Variants in CCDC150 observed in about 807,000 individuals in gnomAD.
CCDC150 encodes the protein coiled-coil domain-containing protein 150.
Under a neutral mutation model 156.5 loss-of-function variants are expected in CCDC150, and 151 were observed. The observed-to-expected ratio is 0.97, with a 90% CI of 0.85 to 1.10. CCDC150 has a LOEUF of 1.10. CCDC150 is among the 50% of genes least tolerant of loss of function. CCDC150 has a pLI of 0.00. For synonymous variants in CCDC150, 452 were observed against 429.4 expected (o/e 1.05, Z -0.65); for missense variants, 1,312 against 1,268.1 (o/e 1.03, Z -0.53).
chr2:196,729,076 T>C (rs1440048824), intron 22 of CCDC150, 117 bp from the exon 23 acceptor site: 2 of 881,206 alleles, frequency 2.3e-6, no homozygotes, highest in East Asian at 2.7e-5. Flanking sequence ...TATTATTGCC[T>C]CACTAACTCT....
At chr2:196,661,170 C>G (rs1693535682) in intron 5 of CCDC150, among the ~76,000 whole-genome samples, 1 of 152,130 alleles carries the variant, frequency 6.6e-6, no homozygotes, top group Non-Finnish European at 1.5e-5. Flanking sequence ...CAAAGACTTG[C>G]AGAAGTACTA....
Position 196,718,612 on chromosome 2 carries a change from A to C in CCDC150, c.1976A>C (p.Glu659Ala), listed in dbSNP as rs761839011. 8.7e-6 allele frequency: 14 copies of C among 1,613,522 alleles called. No individual in the cohort carries two copies. Among genetic ancestry groups the C allele is most frequent in the Non-Finnish European group, 1.2e-5 (14 of 1,179,574 alleles). The change falls in exon 18 of 28, where the codon GAG becomes GCG. Residue 659 changes from glutamate to alanine, a missense_variant. By Grantham distance (107) the Glu-to-Ala change is moderately radical (BLOSUM62 -1). Transcript: ENST00000389175. ...TTGAAAGAAGACCTCGAGGCTGTGG[A>C]GGACAGGGAAAACAAGAAGGCAAGG... ...QKLKEDLEAV[E>A]DRENKKVGNF...
At chr2:196,672,730 T>G (rs1694279851) in intron 9 of CCDC150, among the ~76,000 whole-genome samples, 1 of 152,256 alleles carries the variant, frequency 6.6e-6, no homozygotes, top group East Asian at 1.9e-4. Flanking sequence ...TATATGTATT[T>G]CCCCCTCCAA....
intron 15 of CCDC150, among the ~76,000 whole-genome samples, chr2:196,711,372 C>T (rs561826774): frequency 4.9e-4 from 75 of 152,020 alleles, no homozygotes; most frequent in Non-Finnish European, 9.0e-4. Context: ...TGTTTGCACT[C>T]TACAGATAGG....
At chr2:196,651,640 G>A (rs80131266) in intron 2 of CCDC150, among the ~76,000 whole-genome samples, 17,669 of 152,060 alleles carry the variant, frequency 0.12, 1,120 homozygotes, top group Middle Eastern at 0.18. Flanking sequence ...AAACTTCATC[G>A]ATAGTCTAGT....
chr2:196,670,612 C>A (rs1694142805), intron 8 of CCDC150, among the ~76,000 whole-genome samples: 1 of 151,184 alleles, frequency 6.6e-6, no homozygotes, highest in Non-Finnish European at 1.5e-5. Flanking sequence ...CTCTCAGGTC[C>A]TTGTTTTTGA....
chr2:196,665,793 A>G (rs570312728), intron 6 of CCDC150, 110 bp downstream of exon 6: 3 of 587,544 alleles, frequency 5.1e-6, no homozygotes, highest in South Asian at 5.0e-5. Context: ...TTATTAAAAT[A>G]TTTACTTTTT....
Position 196,732,130 on chromosome 2 carries a change from G to C in CCDC150, c.3167G>C (p.Gly1056Ala). Residue 1056 changes from glycine to alanine, a missense_variant, in exon 27 of 28, where the codon GGG becomes GCG. Coordinates refer to ENST00000389175, the MANE Select transcript of CCDC150 (RefSeq NM_001080539.2). ...LTKNRLQRPS[G>A]EDRWQEKDQD... Reference sequence around the variant, plus strand: ...AAAAACCGGTTGCAGAGGCCTTCTGGGGAAGACAGGTGGCAGGAAAAGGTA... The same window carrying C: ...AAAAACCGGTTGCAGAGGCCTTCTGCGGAAGACAGGTGGCAGGAAAAGGTA... The C allele has an allele frequency of 2.5e-6, 4 of 1,613,834 alleles. 1 individual carries two copies. The highest frequency in any genetic ancestry group is 3.4e-6 in the Non-Finnish European group (4 of 1,179,834).
chr2:196,668,152 G>T (rs555654521), intron 7 of CCDC150, among the ~76,000 whole-genome samples: 1 of 152,114 alleles, frequency 6.6e-6, no homozygotes, highest in African/African-American at 2.4e-5. Flanking sequence ...CAAAAAATTA[G>T]CCAAGTGTGG....
In CCDC150 at chr2:196,729,232, G is replaced by A; in HGVS notation, c.2596G>A (p.Glu866Lys). The change falls in exon 23 of 28, where the codon GAA becomes AAA. Residue 866 changes from glutamate (E) to lysine (K), a missense_variant. Transcript: ENST00000389175. Reference protein sequence around the residue: ...ALDEANFRSVEVSRTNRELRQ... With the variant: ...ALDEANFRSVKVSRTNRELRQ... ...TGATGAAGCTAACTTCAGATCAGTG[G>A]AAGTGTCCCGGACCAACCGAGAGCT... 1 of 1,613,698 alleles carries A rather than the reference G, an allele frequency of 6.2e-7. No homozygotes were observed. Among genetic ancestry groups the A allele is most frequent in the South Asian group, 1.1e-5 (1 of 91,024 alleles).
At chr2:196,696,251 T>A (rs953502064) in intron 14 of CCDC150, among the ~76,000 whole-genome samples, 1 of 151,980 alleles carries the variant, frequency 6.6e-6, no homozygotes, top group Non-Finnish European at 1.5e-5. Context: ...ATGTAGCAGA[T>A]AGCTAACATT....
intron 17 of CCDC150, chr2:196,713,585 A>G (rs765247410): frequency 5.2e-6 from 8 of 1,541,196 alleles, no homozygotes; most frequent in Admixed American, 4.1e-5. Flanking sequence ...TTTGAATGCT[A>G]TTAAAACCAT....
Position 196,639,722 on chromosome 2 carries a change from C to CG in CCDC150, c.-43dup. On this transcript the variant is annotated 5_prime_UTR_variant, in exon 1 of 28. Coordinates refer to ENST00000389175, the MANE Select transcript of CCDC150 (RefSeq NM_001080539.2). ...GGTTTAAAATGCTGTGTTAGTTCCA[C>CG]GGAAACCCGCTCGCCTGCTGCAGTA... The CG allele has an allele frequency of 6.6e-7, 1 of 1,514,538 alleles. No homozygotes were observed. Among genetic ancestry groups the CG allele is most frequent in the Non-Finnish European group, 8.9e-7 (1 of 1,122,628 alleles). The allele number at this position is 1,514,538 out of a possible 1,614,324, so 93.8% of individuals were successfully genotyped here.
chr2:196,666,830 C>A lies in CCDC150; in HGVS notation c.874C>A (p.Gln292Lys). The A allele has an allele frequency of 1.9e-6, 3 of 1,613,076 alleles. No homozygotes were observed. Among genetic ancestry groups the A allele is most frequent in the Non-Finnish European group, 1.7e-6 (2 of 1,179,518 alleles). ...KKEELEIATS[Q>K]LKSDLTSRDD... ...AGAAGAGTTGGAGATTGCTACTTCA[C>A]AGCTCAAATCTGATCTAAGTATGAA... Residue 292 changes from glutamine (Q) to lysine (K), a missense_variant, in exon 7 of 28, where the codon CAG (glutamine) becomes AAG (lysine). Coordinates refer to ENST00000389175, the MANE Select transcript of CCDC150 (RefSeq NM_001080539.2).
chr2:196,688,046 A>T (rs1022982205), intron 13 of CCDC150, among the ~76,000 whole-genome samples: 9 of 152,128 alleles, frequency 5.9e-5, no homozygotes, highest in Non-Finnish European at 1.5e-5. Context: ...TGGTACCTCC[A>T]GCTTTGTTCT....
chr2:196,715,046 G>C (rs1697410784), intron 17 of CCDC150, among the ~76,000 whole-genome samples: 1 of 152,060 alleles, frequency 6.6e-6, no homozygotes, highest in African/African-American at 2.4e-5. Flanking sequence ...TGTTACCGTT[G>C]GGATTATGAA....
At chr2:196,673,989 G>A (rs2125611650) in intron 9 of CCDC150, among the ~76,000 whole-genome samples, 1 of 152,164 alleles carries the variant, frequency 6.6e-6, no homozygotes, top group Middle Eastern at 3.4e-3. Context: ...AAGAACAGAA[G>A]ATCAGTAAAA....
chr2:196,713,130 C>T (rs1697251699), intron 17 of CCDC150: 3 of 587,624 alleles, frequency 5.1e-6, no homozygotes, highest in Non-Finnish European at 5.4e-6. Flanking sequence ...AAGGAGGCCT[C>T]ATTAGATGCG....
At chr2:196,695,017 G>A (rs372619694) in intron 13 of CCDC150, 29 bp from the exon 14 acceptor site, 2 of 1,214,610 alleles carry the variant, frequency 1.6e-6, no homozygotes, top group African/African-American at 3.1e-5. Context: ...GGCGTAAATA[G>A]TTTCTTTTTT....
Sources: gnomAD v4.1 joint callset for allele counts (sites outside exome capture counted in the v4.1 genomes callset) on GRCh38, gnomAD v4.1.1 for gene constraint, MANE v1.5 for transcripts, NCBI Gene and HGNC (gene_info 2026-07-23, HGNC 2026-07-21) for gene names.